CMIP: variants seen among roughly 807,000 people sequenced by gnomAD.
CMIP encodes the protein c-Maf inducing protein, also known as C-Maf-inducing protein.
CMIP carries 13 observed loss-of-function variants against 97.3 expected under a neutral mutation model. The ratio of observed to expected loss-of-function variants is 0.13; its 90% CI spans 0.09 to 0.21. CMIP has a LOEUF of 0.21. Among genes scored for constraint, CMIP ranks in the 10% least tolerant of loss-of-function variants. CMIP has a pLI of 1.00. For synonymous variants in CMIP, 538 were observed against 436.3 expected, an observed-to-expected ratio of 1.23 and a Z score of -2.91; for missense variants, 847 against 1,024.9, an observed-to-expected ratio of 0.83 and a Z score of 2.37.
At chr16:81,470,462 C>G (rs769886537) in intron 1 of CMIP, among the ~76,000 whole-genome samples, 1 of 152,166 alleles carries the variant, frequency 6.6e-6, no homozygotes, top group South Asian at 2.1e-4. Flanking sequence ...AGTTTGACCT[C>G]AAAACAGCTT....
At chr16:81,510,995 C>T (rs2089800133) in intron 1 of CMIP, among the ~76,000 whole-genome samples, 1 of 152,204 alleles carries the variant, frequency 6.6e-6, no homozygotes. Context: ...GCTGGGATTA[C>T]AGGCTTGGGC....
chr16:81,451,216 T>G (rs901314269), intron 1 of CMIP, among the ~76,000 whole-genome samples: 1 of 152,194 alleles, frequency 6.6e-6, no homozygotes, highest in South Asian at 2.1e-4. Context: ...CATGGGGCGC[T>G]TTCCCCCATA....
Position 81,616,107 on chromosome 16 carries a change from G to A in CMIP, c.427-4769G>A, listed in dbSNP as rs944245266. 4.7e-4 allele frequency among the ~76,000 whole-genome samples: 71 copies of A among 152,112 alleles called. No individual in the cohort carries two copies. Among genetic ancestry groups the A allele is most frequent in the African/African-American group, 1.5e-3 (63 of 41,454 alleles). ...TCCGCATCGAGACTGTCCTCAGCCC[G>A]GCATCTCTGTGCCTTGCCTTACATG... On this transcript the variant is annotated intron_variant, in intron 2 of 20. Transcript: ENST00000537098. This position sits in a 1 kb window ranked among gnomAD's most constrained non-coding sequence, Gnocchi z 4.7.
At chr16:81,704,107 C>T (rs762227320) in intron 18 of CMIP, 22 bp downstream of exon 18, 33 of 1,593,226 alleles carry the variant, frequency 2.1e-5, no homozygotes, top group Non-Finnish European at 2.7e-5. Flanking sequence ...CGCCCTGCTG[C>T]AGTCCCCCAC....
rs543245375 is a variant in CMIP at position 81,700,738 on chromosome 16, C to T, written c.1756-922C>T. Among the ~76,000 whole-genome samples the T allele has an allele frequency of 9.2e-5, 14 of 152,238 alleles. No homozygotes were observed. The South Asian group carries it at 2.7e-3, about 29-fold the overall frequency. ...GGAGCTGAGCAGGCTGTGGGGACAT[C>T]CCGGGCGGAGGCTTGCTGGAGGCCA... On this transcript the variant is annotated intron_variant, in intron 15 of 20. Coordinates refer to ENST00000537098, the MANE Select transcript of CMIP (RefSeq NM_198390.3).
At chr16:81,554,354 T>C (rs576288558) in intron 1 of CMIP, among the ~76,000 whole-genome samples, 1 of 152,324 alleles carries the variant, frequency 6.6e-6, no homozygotes, top group African/African-American at 2.4e-5. Context: ...AGCAGAAAGA[T>C]TCAGAGAAAT....
At chr16:81,587,380 C>T (rs1567595686) in intron 1 of CMIP, among the ~76,000 whole-genome samples, 1 of 152,158 alleles carries the variant, frequency 6.6e-6, no homozygotes, top group Non-Finnish European at 1.5e-5. Flanking sequence ...TGGGTGGAAT[C>T]GATGAGGCGG....
intron 5 of CMIP, among the ~76,000 whole-genome samples, chr16:81,659,879 T>C (rs1055944328): frequency 1.3e-5 from 2 of 152,208 alleles, no homozygotes; most frequent in Non-Finnish European, 2.9e-5. Context: ...CTTCCAGCAT[T>C]CTTTTATTAC....
chr16:81,495,575 C>T (rs978622286), intron 1 of CMIP: 11 of 1,458,466 alleles, frequency 7.5e-6, no homozygotes, highest in African/African-American at 4.2e-5. Flanking sequence ...GGCCACAGGC[C>T]AGTGAAATTC....
At chr16:81,581,962 G>A (rs1442422666) in intron 1 of CMIP, among the ~76,000 whole-genome samples, 1 of 152,218 alleles carries the variant, frequency 6.6e-6, no homozygotes, top group African/African-American at 2.4e-5. Context: ...AGGCTGTGCA[G>A]AAAGCATGGC....
intron 1 of CMIP, among the ~76,000 whole-genome samples, chr16:81,498,776 C>A (rs2089541653): frequency 6.6e-6 from 1 of 152,204 alleles, no homozygotes; most frequent in South Asian, 2.1e-4. Flanking sequence ...GGCAGACACA[C>A]CTCCCTCTTG....
intron 1 of CMIP, among the ~76,000 whole-genome samples, chr16:81,563,958 C>T (rs1463088152): frequency 6.6e-6 from 1 of 152,240 alleles, no homozygotes; most frequent in Non-Finnish European, 1.5e-5. Context: ...GTCTGGCTTT[C>T]AGGGCCCGTC....
chr16:81,483,243 G>A (rs1422235181), intron 1 of CMIP, among the ~76,000 whole-genome samples: 1 of 152,194 alleles, frequency 6.6e-6, no homozygotes, highest in Non-Finnish European at 1.5e-5. Flanking sequence ...CTGTGCATGT[G>A]CAAAGGCCAT....
rs781411242 is a variant in CMIP, at chr16:81,445,381, G to C, written c.140G>C (p.Cys47Ser). The change falls in exon 1 of 21, where the codon TGC becomes TCC. Residue 47 changes from cysteine (C) to serine (S), a missense_variant. Cys to Ser is a moderately radical substitution (Grantham distance 112). Around this residue, in one of 4 missense-constraint regions of CMIP, gnomAD observed 94 missense variants for 79.9 expected, o/e 1.18. Transcript: ENST00000537098. The part of the protein sequence containing the change: ...AVPCRRALLL[C>S]NGMRYKLLQE... ...CCCTGCCGCCGGGCTCTTCTGCTTT[G>C]CAACGGGATGAGGTACAAACTGCTG... is the stretch of plus-strand genomic sequence containing the variant. The C allele has an allele frequency of 1.9e-6, 3 of 1,605,790 alleles. No individual in the cohort carries two copies. Among genetic ancestry groups the C allele is most frequent in the Admixed American group, 1.7e-5 (1 of 59,082 alleles).
intron 1 of CMIP, among the ~76,000 whole-genome samples, chr16:81,491,176 G>A (rs867946445): frequency 2.0e-5 from 3 of 152,174 alleles, no homozygotes; most frequent in East Asian, 3.9e-4. Flanking sequence ...GCTCAGGAAC[G>A]GTGTCACCCA....
intron 1 of CMIP, among the ~76,000 whole-genome samples, chr16:81,481,181 C>T (rs982901551): frequency 3.9e-5 from 6 of 152,190 alleles, no homozygotes; most frequent in African/African-American, 1.2e-4. Flanking sequence ...AGCTGGGCGC[C>T]GTCTGGGGCT....
chr16:81,624,551 A>G (rs1185032234), intron 3 of CMIP, among the ~76,000 whole-genome samples: 1 of 152,096 alleles, frequency 6.6e-6, no homozygotes, highest in Non-Finnish European at 1.5e-5. Context: ...GTTTTGATCA[A>G]GTTGGACTTG....
chr16:81,452,865 TTTTG>T (rs1390752989), intron 1 of CMIP, among the ~76,000 whole-genome samples: 5 of 141,020 alleles, frequency 3.5e-5, no homozygotes, highest in African/African-American at 1.4e-4. Flanking sequence ...GTGTTTTTTC[TTTTG>T]TTTTTTTTTT....
intron 1 of CMIP, among the ~76,000 whole-genome samples, chr16:81,456,791 T>A (rs1024651789): frequency 6.6e-6 from 1 of 152,206 alleles, no homozygotes; most frequent in East Asian, 1.9e-4. Flanking sequence ...GTGGCCAGGC[T>A]GGCTGTGAGC....
Sources: allele counts gnomAD v4.1 joint callset (sites outside exome capture counted in the v4.1 genomes callset), GRCh38; gene constraint gnomAD v4.1.1; regional missense constraint gnomAD v4.1.1; non-coding constraint Gnocchi (gnomAD v3.1); transcripts MANE v1.5; gene names NCBI Gene and HGNC (gene_info 2026-07-23, HGNC 2026-07-21).